PCSK2: variants seen among roughly 807,000 people sequenced by gnomAD.
PCSK2 encodes neuroendocrine convertase 2.
A neutral mutation model predicts 69.7 loss-of-function variants in PCSK2; 14 were observed. The observed-to-expected ratio is 0.20, with a 90% confidence interval of 0.13 to 0.31. PCSK2 has a LOEUF of 0.31. Among genes scored for constraint, PCSK2 ranks in the 10% least tolerant of loss-of-function variants. The pLI, the probability that PCSK2 is intolerant of heterozygous loss-of-function variation, is 1.00. For synonymous variants in PCSK2, 307 were observed against 320.7 expected (o/e 0.96, Z 0.46); for missense variants, 544 against 842.5 (o/e 0.65, Z 4.39).
At chr20:17,335,784 T>C (rs1310038932) in intron 2 of PCSK2, among the ~76,000 whole-genome samples, 2 of 151,684 alleles carry the variant, frequency 1.3e-5, no homozygotes, top group Non-Finnish European at 2.9e-5. Context: ...CTTAGAATAA[T>C]GGTCTCCAGT....
intron 2 of PCSK2, among the ~76,000 whole-genome samples, chr20:17,313,813 C>T (rs117151356): frequency 0.011 from 1,729 of 152,264 alleles, 12 homozygotes; most frequent in Middle Eastern, 0.044. Context: ...GTTGTTTGTT[C>T]CCTCAGCCCA....
chr20:17,436,682 G>C, intron 7 of PCSK2, 26 bp from the exon 8 acceptor site: 3 of 1,591,016 alleles, frequency 1.9e-6, no homozygotes, highest in East Asian at 4.5e-5. Context: ...CCCAAACATG[G>C]TGTCCTCTGC....
chr20:17,252,622 G>A (rs1441360286), intron 1 of PCSK2, among the ~76,000 whole-genome samples: 1 of 152,106 alleles, frequency 6.6e-6, no homozygotes, highest in Admixed American at 6.5e-5. Flanking sequence ...TTTAAACCAA[G>A]GCAATCTGGC....
chr20:17,440,411 G>T (rs2032571640), intron 8 of PCSK2, among the ~76,000 whole-genome samples: 1 of 152,150 alleles, frequency 6.6e-6, no homozygotes, highest in African/African-American at 2.4e-5. Flanking sequence ...AGGGCAGCAG[G>T]GGTGACACAT....
chr20:17,327,541 C>A (rs1407974143), intron 2 of PCSK2, among the ~76,000 whole-genome samples: 1 of 152,154 alleles, frequency 6.6e-6, no homozygotes, highest in Non-Finnish European at 1.5e-5. Flanking sequence ...GGAAGGAAGA[C>A]GCCCTCTGCC....
At position 17,440,117 on chromosome 20, in the gene PCSK2, C is replaced by T. The variant is rs2032565978; in HGVS notation, c.885+3234C>T. Among the ~76,000 whole-genome samples, 3 of 152,202 alleles carry T rather than the reference C, an allele frequency of 2.0e-5. No individual in the cohort carries two copies. The South Asian group carries it at 6.2e-4, about 31-fold the overall frequency. On this transcript the variant is annotated intron_variant, in intron 8 of 11. Transcript: ENST00000262545. The stretch of plus-strand genomic sequence containing the variant: ...GACCTGAGTTTTAACCTCAGTCCTG[C>T]CCCCCATTGGCTGGGGAACTTCAGA...
chr20:17,227,648 G>C (rs989755779), intron 1 of PCSK2, among the ~76,000 whole-genome samples, 166 bp downstream of exon 1: 2 of 152,230 alleles, frequency 1.3e-5, no homozygotes, highest in African/African-American at 4.8e-5. Context: ...TCTTTCACCG[G>C]TTATGTAATT....
chr20:17,275,817 T>C (rs1169309521), intron 2 of PCSK2, among the ~76,000 whole-genome samples: 1 of 152,152 alleles, frequency 6.6e-6, no homozygotes, highest in African/African-American at 2.4e-5. Flanking sequence ...CTAATCTCTC[T>C]GGAGTGTAAA....
At chr20:17,460,251 G>C (rs1175368180) in intron 10 of PCSK2, among the ~76,000 whole-genome samples, 1 of 151,634 alleles carries the variant, frequency 6.6e-6, no homozygotes, top group Admixed American at 6.6e-5. Context: ...GAAGGAGAGA[G>C]AGAAAGAAAG....
chr20:17,304,004 AGC>A (rs1989246487), intron 2 of PCSK2, among the ~76,000 whole-genome samples: 1 of 150,512 alleles, frequency 6.6e-6, no homozygotes, highest in African/African-American at 2.4e-5. Context: ...GCTATTACAT[AGC>A]TATATATGGT....
At chr20:17,240,947 C>A (rs1387995288) in intron 1 of PCSK2, among the ~76,000 whole-genome samples, 1 of 152,140 alleles carries the variant, frequency 6.6e-6, no homozygotes, top group African/African-American at 2.4e-5. Context: ...ATGCTTTTTG[C>A]AATAGTTGTT....
Position 17,462,784 on chromosome 20 carries a change from T to C in PCSK2, c.1203-2542T>C, listed in dbSNP as rs373891139. 2.4e-4 allele frequency among the ~76,000 whole-genome samples: 36 copies of C among 152,370 alleles called. No homozygotes were observed. In the South Asian group the frequency reaches 7.0e-3, roughly 30 times the overall value. On this transcript the variant is annotated intron_variant, in intron 10 of 11. Coordinates refer to ENST00000262545, the MANE Select transcript of PCSK2 (RefSeq NM_002594.5). ...AAACATTTGAGAACAGGGAAGAACATGTCACATTTCTTGTCCTACAGTCTC... is the reference window on the plus strand; with the variant it reads ...AAACATTTGAGAACAGGGAAGAACACGTCACATTTCTTGTCCTACAGTCTC...
At chr20:17,303,127 C>A (rs191258644) in intron 2 of PCSK2, among the ~76,000 whole-genome samples, 74 of 148,556 alleles carry the variant, frequency 5.0e-4, no homozygotes, top group African/African-American at 1.7e-3. Context: ...ATTGTTCAAT[C>A]TCTTGCCAGG....
chr20:17,459,429 G>A (rs541195253), intron 10 of PCSK2, among the ~76,000 whole-genome samples: 18 of 152,240 alleles, frequency 1.2e-4, no homozygotes, highest in Admixed American at 3.9e-4. Flanking sequence ...TCTGTTGAGC[G>A]TCTACTAGGG....
In PCSK2 at chr20:17,442,362, G is replaced by T. The variant is rs577625333; in HGVS notation, c.885+5479G>T. 3.1e-3 allele frequency among the ~76,000 whole-genome samples: 476 copies of T among 152,074 alleles called. 2 individuals carry two copies. Among genetic ancestry groups the T allele is most frequent in the African/African-American group, 0.011 (443 of 41,480 alleles). On this transcript the variant is annotated intron_variant, in intron 8 of 11. Coordinates refer to ENST00000262545, the MANE Select transcript of PCSK2 (RefSeq NM_002594.5). ...AAGCCACTCAGTTTGTGGTCCTTTG[G>T]TTGTTACTTTGGTCCTTTGGTTGTG...
At chr20:17,423,561 G>T (rs898111219) in intron 6 of PCSK2, among the ~76,000 whole-genome samples, 2 of 152,042 alleles carry the variant, frequency 1.3e-5, no homozygotes, top group Non-Finnish European at 2.9e-5. Flanking sequence ...TGTAAATTAG[G>T]GATGGATTTC....
At chr20:17,335,857 G>GGTGTGTGT (rs3138653) in intron 2 of PCSK2, among the ~76,000 whole-genome samples, 17,152 of 142,602 alleles carry the variant, frequency 0.12, 1,135 homozygotes, top group African/African-American at 0.14. Context: ...AGTAGTCCAT[G>GGTGTGTGT]GTGTGTGTGT....
chr20:17,345,020 A>T (rs539309364), intron 2 of PCSK2, among the ~76,000 whole-genome samples: 2 of 152,370 alleles, frequency 1.3e-5, no homozygotes, highest in East Asian at 3.9e-4. Flanking sequence ...AAGTGTGGGT[A>T]AGTGATAACA....
At position 17,260,289 on chromosome 20, in the gene PCSK2, A is replaced by G; in HGVS notation, c.227A>G (p.Lys76Arg). 6.2e-7 allele frequency: 1 copy of G among 1,613,998 alleles called. No homozygotes were observed. The highest frequency in any genetic ancestry group is 8.5e-7 in the Non-Finnish European group (1 of 1,179,914). The change falls in exon 2 of 12, where the codon AAG becomes AGG. Residue 76 changes from lysine (K) to arginine (R), a missense_variant. Transcript: ENST00000262545. ...CACTTTTATCACAATGGCCTTGCAAAGGCCAAGAGAAGACGCAGCCTACAC... is the reference window on the plus strand; with the variant it reads ...CACTTTTATCACAATGGCCTTGCAAGGGCCAAGAGAAGACGCAGCCTACAC... ...LYHFYHNGLAKAKRRRSLHHK... is the reference protein window; with the variant it reads ...LYHFYHNGLARAKRRRSLHHK...
Sources: allele counts gnomAD v4.1 joint callset (sites outside exome capture counted in the v4.1 genomes callset), GRCh38; gene constraint gnomAD v4.1.1; transcripts MANE v1.5; gene names NCBI Gene and HGNC (gene_info 2026-07-23, HGNC 2026-07-21).